The following CSMD1 variants were observed in gnomAD, a reference collection of about 807,000 sequenced individuals.
The protein encoded by CSMD1 is CUB and Sushi multiple domains 1.
CSMD1 carries 213 observed loss-of-function variants against 417.5 expected under a neutral mutation model. The observed-to-expected ratio is 0.51, with a 90% CI of 0.46 to 0.57. CSMD1 has a LOEUF of 0.57. Among genes scored for constraint, CSMD1 ranks in the 20% least tolerant of loss-of-function variants. The pLI is 0.00. For synonymous variants in CSMD1, 2,862 were observed against 1,736.8 expected (o/e 1.65, Z -16.11); for missense variants, 6,923 against 4,529.7 (o/e 1.53, Z -15.17).
In CSMD1 at chr8:3,096,921, T is replaced by G; in HGVS notation, c.7066A>C (p.Asn2356His). Reference sequence around the variant, plus strand: ...TCCACAAAGATGGTAATGTTGTAGTTTGGTTCCACTTTAATACTCCAAGAG... The same window carrying G: ...TCCACAAAGATGGTAATGTTGTAGTGTGGTTCCACTTTAATACTCCAAGAG... ...TCSWSIKVEP[N>H]YNITIFVDTF... The change falls in exon 47 of 70, where the codon AAC becomes CAC. Residue 2356 changes from asparagine to histidine, a missense_variant. Physicochemically the swap from Asn to His is moderately conservative, Grantham distance 68. Transcript: ENST00000635120. 5.1e-6 allele frequency: 8 copies of G among 1,556,752 alleles called. No homozygotes were observed. The highest frequency in any genetic ancestry group is 7.0e-6 in the Non-Finnish European group (8 of 1,148,960).
At chr8:4,234,269 T>TA (rs1235649415) in intron 3 of CSMD1, among the ~76,000 whole-genome samples, 2 of 152,146 alleles carry the variant, frequency 1.3e-5, no homozygotes, top group African/African-American at 4.8e-5. Flanking sequence ...GAACAAGACT[T>TA]ACACGAAGTG....
intron 1 of CSMD1, among the ~76,000 whole-genome samples, chr8:4,703,807 A>G (rs937196382): frequency 3.3e-5 from 5 of 152,326 alleles, no homozygotes; most frequent in Admixed American, 1.3e-4. Flanking sequence ...ATCAAGCTCA[A>G]CAGTCCCCAG....
rs568623177 is a variant in CSMD1, at chr8:4,189,814, A to G, written c.416-157715T>C. ...TTATCTTGTTGCCATATATTAAGGT[A>G]AAGTGGATTCAAAGAGCACAGCTTT... On this transcript the variant is annotated intron_variant, in intron 3 of 69. Coordinates refer to ENST00000635120, the MANE Select transcript of CSMD1 (RefSeq NM_033225.6). 1.1e-4 allele frequency among the ~76,000 whole-genome samples: 16 copies of G among 152,332 alleles called. 1 individual carries two copies. The highest frequency in any genetic ancestry group is 2.1e-4 in the South Asian group (1 of 4,826).
intron 5 of CSMD1, among the ~76,000 whole-genome samples, chr8:3,973,704 C>T (rs1007121734): frequency 6.6e-6 from 1 of 152,182 alleles, no homozygotes; most frequent in African/African-American, 2.4e-5. Context: ...AATGCAAGAC[C>T]TTTATCACTT....
At chr8:2,976,914 A>G (rs620461) in intron 55 of CSMD1, among the ~76,000 whole-genome samples, 47,477 of 151,758 alleles carry the variant, frequency 0.31, 9,250 homozygotes, top group African/African-American at 0.55. Context: ...CTGACAATAA[A>G]GCTGTAAGAG....
At chr8:4,175,400 C>T (rs1297871744) in intron 3 of CSMD1, among the ~76,000 whole-genome samples, 1 of 152,112 alleles carries the variant, frequency 6.6e-6, no homozygotes, top group Non-Finnish European at 1.5e-5. Flanking sequence ...CTTACCTGCG[C>T]TATACTTTTA....
chr8:4,455,675 A>T (rs1203691948), intron 2 of CSMD1, among the ~76,000 whole-genome samples: 1 of 151,976 alleles, frequency 6.6e-6, no homozygotes, highest in East Asian at 1.9e-4. Context: ...TCACCCCTGT[A>T]ATCTCAGCAC....
chr8:4,831,061 C>A (rs1052648856), intron 1 of CSMD1, among the ~76,000 whole-genome samples: 1 of 152,176 alleles, frequency 6.6e-6, no homozygotes, highest in Non-Finnish European at 1.5e-5. Flanking sequence ...TCAACTCCAA[C>A]CATGCGAACT....
At chr8:3,662,680 T>G (rs1274944051) in intron 7 of CSMD1, among the ~76,000 whole-genome samples, 1 of 152,130 alleles carries the variant, frequency 6.6e-6, no homozygotes, top group Non-Finnish European at 1.5e-5. Flanking sequence ...TCAGTTCATG[T>G]CCTTTGCAGG....
chr8:3,119,756 G>T (rs906853606), intron 41 of CSMD1, among the ~76,000 whole-genome samples: 11 of 152,144 alleles, frequency 7.2e-5, no homozygotes, highest in Admixed American at 2.0e-4. Flanking sequence ...CATGAGACTG[G>T]GAACCTGCTC....
intron 10 of CSMD1, among the ~76,000 whole-genome samples, chr8:3,543,219 G>C (rs571616450): frequency 1.9e-3 from 297 of 152,338 alleles, no homozygotes; most frequent in Admixed American, 5.7e-3. Flanking sequence ...AGCAGCAAGG[G>C]AGGTGGGAGA....
At chr8:4,197,600 T>C (rs1056586835) in intron 3 of CSMD1, among the ~76,000 whole-genome samples, 1 of 152,188 alleles carries the variant, frequency 6.6e-6, no homozygotes, top group African/African-American at 2.4e-5. Flanking sequence ...ATCTTCCAGC[T>C]GGACATGGTG....
chr8:3,397,063 T>C (rs548807684), intron 16 of CSMD1, among the ~76,000 whole-genome samples: 1 of 152,230 alleles, frequency 6.6e-6, no homozygotes, highest in East Asian at 1.9e-4. Context: ...AGATTTTATA[T>C]ATATATATAA....
intron 3 of CSMD1, among the ~76,000 whole-genome samples, chr8:4,128,394 A>G (rs905453355): frequency 4.6e-5 from 7 of 152,160 alleles, no homozygotes; most frequent in African/African-American, 1.7e-4. Flanking sequence ...TCGATTTGGA[A>G]CTAAAACATC....
chr8:4,335,342 G>A (rs1304637942), intron 3 of CSMD1, among the ~76,000 whole-genome samples: 11 of 152,022 alleles, frequency 7.2e-5, no homozygotes, highest in Admixed American at 6.6e-4. Context: ...GTGGGGAAAG[G>A]CACAAACATT....
intron 1 of CSMD1, among the ~76,000 whole-genome samples, chr8:4,664,248 T>G (rs1187891254): frequency 3.9e-5 from 6 of 152,156 alleles, no homozygotes; most frequent in African/African-American, 1.2e-4. Flanking sequence ...AAATATTATT[T>G]CTGTGTGACT....
chr8:4,555,949 G>T (rs1681013546), intron 2 of CSMD1, among the ~76,000 whole-genome samples: 2 of 151,972 alleles, frequency 1.3e-5, no homozygotes, highest in South Asian at 4.2e-4. Flanking sequence ...CTTACTTTAG[G>T]AAGTGAATTT....
At chr8:3,071,047 G>C (rs916836174) in intron 49 of CSMD1, among the ~76,000 whole-genome samples, 1 of 152,160 alleles carries the variant, frequency 6.6e-6, no homozygotes. Flanking sequence ...CACTGTCACA[G>C]GGCCAGAACA....
At chr8:3,714,004 G>A (rs534580732) in intron 6 of CSMD1, among the ~76,000 whole-genome samples, 3 of 148,332 alleles carry the variant, frequency 2.0e-5, no homozygotes, top group Non-Finnish European at 4.5e-5. Flanking sequence ...TAAATCCTTA[G>A]AATTGCAAGG....
Sources: gnomAD v4.1 joint callset for allele counts (sites outside exome capture counted in the v4.1 genomes callset) on GRCh38, gnomAD v4.1.1 for gene constraint, MANE v1.5 for transcripts, NCBI Gene and HGNC (gene_info 2026-07-23, HGNC 2026-07-21) for gene names.